Variants in PACC1 observed in about 807,000 individuals in gnomAD.
PACC1 encodes the protein proton activated chloride channel 1.
A neutral mutation model predicts 39.7 loss-of-function variants in PACC1; 34 were observed. The ratio of observed to expected loss-of-function variants is 0.86; its 90% confidence interval spans 0.65 to 1.14. The LOEUF (loss-of-function observed/expected upper bound fraction) is 1.14, where lower values mean the gene tolerates loss of function less well. Ranked by LOEUF, PACC1 falls within the 50% of genes most tolerant of loss-of-function variation. PACC1 has a pLI of 0.00. For missense variants in PACC1, 379 were observed against 436.4 expected (o/e 0.87, Z 1.17); for synonymous variants, 127 against 160.6 (o/e 0.79, Z 1.58).
chr1:212,390,260 T>TAAAAATACA (rs757196387), intron 2 of PACC1, among the ~76,000 whole-genome samples: 8 of 151,524 alleles, frequency 5.3e-5, no homozygotes, highest in Admixed American at 1.3e-4. Flanking sequence ...CCGTCTCTAC[T>TAAAAATACA]AAAAATACAA....
chr1:212,370,705 T>A (rs1043326459), intron 7 of PACC1, among the ~76,000 whole-genome samples: 3 of 152,040 alleles, frequency 2.0e-5, no homozygotes, highest in Non-Finnish European at 4.4e-5. Flanking sequence ...CAAAGGTCAA[T>A]GAAGAAATTA....
chr1:212,365,557 A>G (rs12127560), intron 7 of PACC1, among the ~76,000 whole-genome samples, 181 bp from the exon 8 acceptor site: 49,755 of 151,262 alleles, frequency 0.33, 9,614 homozygotes, highest in East Asian at 0.47. Context: ...CAGCCTCCCG[A>G]GTAGCTGGGA....
At chr1:212,383,036 A>G (rs1176001667) in intron 4 of PACC1, among the ~76,000 whole-genome samples, 1 of 152,190 alleles carries the variant, frequency 6.6e-6, no homozygotes, top group East Asian at 1.9e-4. Flanking sequence ...TGCTCTCATC[A>G]TATTCTTCCT....
At chr1:212,408,366 AT>A (rs930721026) in intron 2 of PACC1, among the ~76,000 whole-genome samples, 1,590 of 144,752 alleles carry the variant, frequency 0.011, 36 homozygotes, top group African/African-American at 0.037. Context: ...ACTTTATTTT[AT>A]TTTTTTTTTT....
chr1:212,365,422 CTTGA>C (rs1660199502), intron 7 of PACC1, 46 bp from the exon 8 acceptor site: 13 of 965,024 alleles, frequency 1.3e-5, no homozygotes, highest in South Asian at 7.1e-5. Context: ...TTGCTTCAGT[CTTGA>C]TTCTTTTTTT....
chr1:212,365,844 C>T (rs2102459502), intron 7 of PACC1, among the ~76,000 whole-genome samples: 1 of 152,264 alleles, frequency 6.6e-6, no homozygotes, highest in South Asian at 2.1e-4. Context: ...ATTTTGTGGC[C>T]TAATCCAACA....
rs533587711 is a variant in PACC1 at position 212,379,557 on chromosome 1, C to T, written c.638+338G>A. On this transcript the variant is annotated intron_variant, in intron 5 of 7. Transcript: ENST00000261455. ...CTGTGGGGGAAACCAAGGAACCACA[C>T]AAGAACTTGCTCTCAAAGGGACTTA... Among the ~76,000 whole-genome samples the T allele has an allele frequency of 2.0e-5, 3 of 152,362 alleles. No individual in the cohort carries two copies. The East Asian group carries it at 5.8e-4, about 29-fold the overall frequency.
At chr1:212,394,350 A>C (rs1661435256) in intron 2 of PACC1, among the ~76,000 whole-genome samples, 1 of 152,250 alleles carries the variant, frequency 6.6e-6, no homozygotes, top group South Asian at 2.1e-4. Flanking sequence ...TGATTATCTC[A>C]ATAGATGCAG....
intron 2 of PACC1, among the ~76,000 whole-genome samples, chr1:212,394,393 A>G (rs1436101744): frequency 3.3e-5 from 5 of 152,252 alleles, no homozygotes; most frequent in African/African-American, 1.2e-4. Flanking sequence ...ACAGCCCTTC[A>G]TGCTAAAAAC....
Position 212,380,312 on chromosome 1 carries a change from A to G in PACC1, c.496-275T>C, listed in dbSNP as rs368261082. ...GGAAGCTCTTAATTTAGCAAGGATGATCACTTTCATCTGTTATGTGTGCCA... is the reference window on the plus strand; with the variant it reads ...GGAAGCTCTTAATTTAGCAAGGATGGTCACTTTCATCTGTTATGTGTGCCA... On this transcript the variant is annotated intron_variant, in intron 4 of 7. Transcript: ENST00000261455. 3.9e-5 allele frequency among the ~76,000 whole-genome samples: 6 copies of G among 152,298 alleles called. No individual in the cohort carries two copies. In the South Asian group the frequency reaches 8.3e-4, roughly 21 times the overall value.
At chr1:212,414,431 A>G (rs1361297401) in intron 1 of PACC1, among the ~76,000 whole-genome samples, 1 of 152,140 alleles carries the variant, frequency 6.6e-6, no homozygotes, top group Non-Finnish European at 1.5e-5. Flanking sequence ...AGGTAGCTTC[A>G]ATCATTCACC....
chr1:212,372,951 G>C (rs1483011154), intron 7 of PACC1, among the ~76,000 whole-genome samples: 1 of 152,048 alleles, frequency 6.6e-6, no homozygotes, highest in Non-Finnish European at 1.5e-5. Flanking sequence ...TCTACAGATT[G>C]AATGCAATTC....
chr1:212,370,548 A>G (rs1221265586), intron 7 of PACC1, among the ~76,000 whole-genome samples: 1 of 152,256 alleles, frequency 6.6e-6, no homozygotes, highest in Non-Finnish European at 1.5e-5. Context: ...ATGTTGGGCC[A>G]CAAAACAAGT....
chr1:212,382,287 C>T (rs529982912), intron 4 of PACC1, among the ~76,000 whole-genome samples: 1 of 90,144 alleles, frequency 1.1e-5, no homozygotes, highest in Admixed American at 1.1e-4. Context: ...TCGTGATCCA[C>T]CTGCCTCGGC....
At chr1:212,402,203 T>C (rs1008931297) in intron 2 of PACC1, among the ~76,000 whole-genome samples, 3 of 152,248 alleles carry the variant, frequency 2.0e-5, no homozygotes, top group Non-Finnish European at 4.4e-5. Flanking sequence ...CTGGCCCATA[T>C]GGTAACTCTG....
intron 4 of PACC1, 43 bp from the exon 5 acceptor site, chr1:212,380,080 C>T (rs760829222): frequency 7.5e-6 from 12 of 1,601,188 alleles, no homozygotes; most frequent in Non-Finnish European, 1.0e-5. Flanking sequence ...TGGGAGAGTA[C>T]ACAGAGGCCT....
At chr1:212,405,053 A>C (rs1324917814) in intron 2 of PACC1, among the ~76,000 whole-genome samples, 1 of 152,136 alleles carries the variant, frequency 6.6e-6, no homozygotes, top group Non-Finnish European at 1.5e-5. Context: ...GATGAGCCAC[A>C]GTGTGAGCCC....
At chr1:212,387,910 T>C (rs368179886) in intron 2 of PACC1, among the ~76,000 whole-genome samples, 1 of 151,724 alleles carries the variant, frequency 6.6e-6, no homozygotes, top group African/African-American at 2.4e-5. Flanking sequence ...CAAAATTAGC[T>C]GGGCGTGGTG....
chr1:212,414,748 G>A lies in PACC1; in HGVS notation c.10C>T (p.Gln4Ter). 1 of 1,613,674 alleles carries A rather than the reference G, an allele frequency of 6.2e-7. No individual in the cohort carries two copies. Among genetic ancestry groups the A allele is most frequent in the South Asian group, 1.1e-5 (1 of 91,086 alleles). ...TCCTGGTAGGATGTGGAGCGCTCCT[G>A]CCGGATCATGGCACTGACCAGAGCT... MIR[Q>*]ERSTSYQELS... Residue 4 changes from glutamine (Q) to a stop codon, truncating the protein, a stop_gained, in exon 1 of 8, where the codon CAG becomes TAG. Coordinates refer to ENST00000261455, the MANE Select transcript of PACC1 (RefSeq NM_018252.3). LOFTEE classifies it high-confidence loss of function.
Sources: gnomAD v4.1 joint callset for allele counts (sites outside exome capture counted in the v4.1 genomes callset) on GRCh38, gnomAD v4.1.1 for gene constraint, MANE v1.5 for transcripts, NCBI Gene and HGNC (gene_info 2026-07-23, HGNC 2026-07-21) for gene names.